RPS6KC1: variants seen among roughly 807,000 people sequenced by gnomAD.
RPS6KC1 encodes ribosomal protein S6 kinase C1, also known as inactive ribosomal protein S6 kinase delta-1.
Under a neutral mutation model 103.8 loss-of-function variants are expected in RPS6KC1, and 54 were observed. The ratio of observed to expected loss-of-function variants is 0.52; its 90% CI spans 0.42 to 0.65. RPS6KC1 has a LOEUF of 0.65. RPS6KC1 is among the 30% of genes least tolerant of loss of function. The probability of loss-of-function intolerance (pLI) is 0.00; values close to 1 mark genes in which losing one functional copy is unlikely to be tolerated. For missense variants in RPS6KC1, 1,151 were observed against 1,253.8 expected (o/e 0.92, Z 1.24); for synonymous variants, 439 against 438.7 (o/e 1.00, Z -0.01).
At chr1:213,125,338 G>A (rs1053314526) in intron 5 of RPS6KC1, among the ~76,000 whole-genome samples, 14 of 152,016 alleles carry the variant, frequency 9.2e-5, no homozygotes, top group South Asian at 2.1e-4. Flanking sequence ...TTTAATAGCT[G>A]TATAATATTT....
At chr1:213,348,575 T>G in the RPS6KC1 span, among the ~76,000 whole-genome samples, 1 of 152,168 alleles carries the variant, frequency 6.6e-6, no homozygotes, top group South Asian at 2.1e-4. Context: ...TTAGCATTAT[T>G]AAGTGACTGA....
chr1:213,790,899 C>T, the RPS6KC1 span, among the ~76,000 whole-genome samples: 2 of 120,878 alleles, frequency 1.7e-5, no homozygotes, highest in East Asian at 2.4e-4. Context: ...TAAATCAAGC[C>T]TCATTCCTTC....
chr1:213,279,819 T>C, the RPS6KC1 span, among the ~76,000 whole-genome samples: 2 of 152,160 alleles, frequency 1.3e-5, no homozygotes, highest in Admixed American at 1.3e-4. Context: ...AAATAAGTGA[T>C]CCCCAGGTCA....
At chr1:213,607,251 G>T in the RPS6KC1 span, among the ~76,000 whole-genome samples, 1 of 152,214 alleles carries the variant, frequency 6.6e-6, no homozygotes, top group Non-Finnish European at 1.5e-5. Flanking sequence ...AAGAGTGTTA[G>T]GGTGTGGCAA....
At chr1:213,261,368 CA>C (rs368355314) in intron 12 of RPS6KC1, among the ~76,000 whole-genome samples, 189 bp from the exon 13 acceptor site, 186 of 143,276 alleles carry the variant, frequency 1.3e-3, no homozygotes, top group South Asian at 3.8e-3. Flanking sequence ...ATGACTGCAT[CA>C]AAAAAAAAAA....
chr1:213,747,359 T>C, the RPS6KC1 span, among the ~76,000 whole-genome samples: 1 of 152,050 alleles, frequency 6.6e-6, no homozygotes, highest in Non-Finnish European at 1.5e-5. Context: ...TTTGGAAGAG[T>C]ATTAGAAGCA....
At chr1:213,426,252 GT>G in the RPS6KC1 span, among the ~76,000 whole-genome samples, 3 of 152,288 alleles carry the variant, frequency 2.0e-5, no homozygotes, top group South Asian at 4.1e-4. Context: ...CTTTGGTTCA[GT>G]TTGGCTGCGG....
chr1:213,132,982 A>C (rs2085818479), intron 6 of RPS6KC1, among the ~76,000 whole-genome samples: 1 of 152,218 alleles, frequency 6.6e-6, no homozygotes, highest in Non-Finnish European at 1.5e-5. Context: ...AGCTGAGACC[A>C]CATGCAAAAC....
chr1:213,220,391 A>G (rs2093801185), intron 8 of RPS6KC1, among the ~76,000 whole-genome samples: 1 of 152,142 alleles, frequency 6.6e-6, no homozygotes, highest in Admixed American at 6.5e-5. Context: ...CAGTGGTGTG[A>G]TCTCACCTCA....
intron 7 of RPS6KC1, among the ~76,000 whole-genome samples, chr1:213,169,634 C>T (rs562283577): frequency 1.3e-3 from 190 of 151,986 alleles, no homozygotes; most frequent in Non-Finnish European, 1.2e-3. Context: ...CAACCTTCCT[C>T]GTGTGCAGTA....
chr1:213,243,420 A>G (rs2094398988), intron 12 of RPS6KC1, among the ~76,000 whole-genome samples: 1 of 152,096 alleles, frequency 6.6e-6, no homozygotes, highest in East Asian at 1.9e-4. Context: ...GGTGCCTGGC[A>G]CAATGGAGGT....
At chr1:213,780,698 C>A in the RPS6KC1 span, among the ~76,000 whole-genome samples, 61 of 152,152 alleles carry the variant, frequency 4.0e-4, 1 homozygote, top group South Asian at 3.5e-3. Flanking sequence ...GATGGCACTT[C>A]GGGGAGGGAT....
chr1:213,275,126 AT>A (rs2095109399), downstream of RPS6KC1, among the ~76,000 whole-genome samples: 1 of 152,330 alleles, frequency 6.6e-6, no homozygotes, highest in East Asian at 1.9e-4. Flanking sequence ...ATGCTGTAGC[AT>A]TTATCAGAAT....
At chr1:213,051,649 T>G (rs891444142) in intron 1 of RPS6KC1, 140 bp downstream of exon 1, 1 of 625,166 alleles carries the variant, frequency 1.6e-6, no homozygotes, top group Non-Finnish European at 2.9e-6. Flanking sequence ...GGGACTTGGG[T>G]GTCGGAGGTT....
chr1:213,599,470 G>A, the RPS6KC1 span, among the ~76,000 whole-genome samples: 11 of 148,406 alleles, frequency 7.4e-5, no homozygotes, highest in African/African-American at 2.3e-4. Context: ...GGTAGAACGA[G>A]GGGGGGAAAA....
chr1:213,252,082 T>G (rs1242574619), intron 12 of RPS6KC1, among the ~76,000 whole-genome samples: 1 of 152,242 alleles, frequency 6.6e-6, no homozygotes. Context: ...AAAAATGCTT[T>G]CTTCTGTGTT....
At chr1:213,197,100 G>A (rs1467605517) in intron 8 of RPS6KC1, among the ~76,000 whole-genome samples, 2 of 152,166 alleles carry the variant, frequency 1.3e-5, no homozygotes, top group African/African-American at 4.8e-5. Context: ...GCCTCCCAAA[G>A]TGTTGGGATT....
At chr1:213,766,546 G>A in the RPS6KC1 span, among the ~76,000 whole-genome samples, 1 of 152,214 alleles carries the variant, frequency 6.6e-6, no homozygotes. Flanking sequence ...TTCCCACATA[G>A]GAAAACCTTC....
chr1:213,310,733 TAAAC>T, the RPS6KC1 span, among the ~76,000 whole-genome samples: 1 of 152,254 alleles, frequency 6.6e-6, no homozygotes, highest in Admixed American at 6.5e-5. Flanking sequence ...AATTCTTGAA[TAAAC>T]AAATAAATAG....
Sources: allele counts gnomAD v4.1 joint callset (sites outside exome capture counted in the v4.1 genomes callset), GRCh38; gene constraint gnomAD v4.1.1; transcripts MANE v1.5; gene names NCBI Gene and HGNC (gene_info 2026-07-23, HGNC 2026-07-21).